RBMS3: variants seen among roughly 807,000 people sequenced by gnomAD.
RBMS3 encodes the protein RNA-binding motif, single-stranded-interacting protein 3.
In RBMS3, 27 loss-of-function variants were observed where a neutral mutation model predicts 66.8. The ratio of observed to expected loss-of-function variants is 0.40; its 90% CI spans 0.30 to 0.56. RBMS3 has a LOEUF of 0.56. Ranked by LOEUF, RBMS3 falls within the 20% of genes least tolerant of loss-of-function variation. The probability of loss-of-function intolerance (pLI) is 0.40; values close to 1 mark genes in which losing one functional copy is unlikely to be tolerated. For synonymous variants in RBMS3, 188 were observed against 183.0 expected, an observed-to-expected ratio of 1.03 and a Z score of -0.22; for missense variants, 513 against 549.5, an observed-to-expected ratio of 0.93 and a Z score of 0.66.
At chr3:29,608,133 AATAAT>A (rs2048373216) in intron 4 of RBMS3, among the ~76,000 whole-genome samples, 1 of 151,722 alleles carries the variant, frequency 6.6e-6, no homozygotes, top group Non-Finnish European at 1.5e-5. Flanking sequence ...TTATAGATAA[AATAAT>A]ATGTCTGTCT....
intron 1 of RBMS3, among the ~76,000 whole-genome samples, chr3:29,336,859 T>C (rs910354829): frequency 1.3e-5 from 2 of 152,164 alleles, no homozygotes; most frequent in East Asian, 3.9e-4. Flanking sequence ...ATGTTGATTT[T>C]TGGGGGTCAA....
At chr3:29,880,918 T>A in intron 7 of RBMS3, 1 of 1,221,052 alleles carries the variant, frequency 8.2e-7, no homozygotes, top group Non-Finnish European at 1.2e-6. Flanking sequence ...TAGTTACTCA[T>A]TCCTCTGGAT....
At chr3:29,678,385 C>G (rs1010049002) in intron 4 of RBMS3, among the ~76,000 whole-genome samples, 11 of 152,010 alleles carry the variant, frequency 7.2e-5, no homozygotes, top group Non-Finnish European at 1.3e-4. Flanking sequence ...TTACACCAAA[C>G]AGTAAAGAAA....
intron 2 of RBMS3, among the ~76,000 whole-genome samples, chr3:29,487,384 T>C (rs2043361130): frequency 6.6e-6 from 1 of 152,168 alleles, no homozygotes; most frequent in Non-Finnish European, 1.5e-5. Flanking sequence ...GAGAACATAA[T>C]GAAATCCCTA....
intron 10 of RBMS3, among the ~76,000 whole-genome samples, chr3:29,934,771 T>G (rs1273679926): frequency 6.6e-6 from 1 of 152,090 alleles, no homozygotes. Flanking sequence ...AATATTTGGC[T>G]CAATTTCTAT....
intron 4 of RBMS3, among the ~76,000 whole-genome samples, chr3:29,657,986 A>G (rs770901355): frequency 1.3e-5 from 2 of 152,060 alleles, no homozygotes; most frequent in Non-Finnish European, 2.9e-5. Flanking sequence ...ATATCCCCCA[A>G]CGATTGTCTG....
At chr3:29,285,486 C>T (rs1474151900) in intron 1 of RBMS3, among the ~76,000 whole-genome samples, 2 of 152,064 alleles carry the variant, frequency 1.3e-5, no homozygotes, top group African/African-American at 2.4e-5. Context: ...ACACCCTTAC[C>T]AGTTCACTAT....
chr3:29,425,656 T>A (rs2040931127), intron 1 of RBMS3, among the ~76,000 whole-genome samples: 1 of 151,826 alleles, frequency 6.6e-6, no homozygotes, highest in African/African-American at 2.4e-5. Flanking sequence ...AAAAAATAAA[T>A]AAAAAATAGA....
intron 6 of RBMS3, among the ~76,000 whole-genome samples, chr3:29,823,533 C>G (rs2058126267): frequency 6.6e-6 from 1 of 152,148 alleles, no homozygotes; most frequent in Non-Finnish European, 1.5e-5. Flanking sequence ...TTTAAAATAG[C>G]ATAGTGCAAT....
At chr3:29,914,394 G>A (rs1340247255) in intron 10 of RBMS3, among the ~76,000 whole-genome samples, 3 of 151,816 alleles carry the variant, frequency 2.0e-5, no homozygotes, top group Admixed American at 6.6e-5. Context: ...CACCCAAGAA[G>A]GGTAGTAATA....
chr3:29,905,432 T>A (rs1156911478), intron 10 of RBMS3, among the ~76,000 whole-genome samples: 1 of 152,080 alleles, frequency 6.6e-6, no homozygotes, highest in Admixed American at 6.6e-5. Flanking sequence ...AAAATTTCAT[T>A]TTTTTGATTT....
chr3:29,784,025 A>G (rs1303300570), intron 6 of RBMS3, among the ~76,000 whole-genome samples: 1 of 152,132 alleles, frequency 6.6e-6, no homozygotes, highest in East Asian at 1.9e-4. Context: ...TGTACCTAAC[A>G]CTAAAGCTCC....
At chr3:29,396,866 C>G (rs530134209) in intron 1 of RBMS3, among the ~76,000 whole-genome samples, 1 of 152,222 alleles carries the variant, frequency 6.6e-6, no homozygotes, top group South Asian at 2.1e-4. Flanking sequence ...TAGTAAATAC[C>G]TAACTTACAA....
intron 6 of RBMS3, among the ~76,000 whole-genome samples, chr3:29,855,089 G>A (rs927143699): frequency 6.6e-6 from 1 of 152,104 alleles, no homozygotes; most frequent in Non-Finnish European, 1.5e-5. Flanking sequence ...ACATAATGCT[G>A]CAAGTTACTC....
chr3:29,490,122 T>C (rs2043482172), intron 3 of RBMS3, among the ~76,000 whole-genome samples: 1 of 150,226 alleles, frequency 6.7e-6, no homozygotes, highest in African/African-American at 2.4e-5. Context: ...TTTTAAATGA[T>C]ATCCTGGATA....
chr3:29,983,939 G>A (rs1258544748), intron 12 of RBMS3, among the ~76,000 whole-genome samples: 1 of 152,122 alleles, frequency 6.6e-6, no homozygotes, highest in African/African-American at 2.4e-5. Context: ...TGTATTTCCT[G>A]AATTTGAATG....
intron 1 of RBMS3, among the ~76,000 whole-genome samples, chr3:29,344,930 G>C (rs2036487160): frequency 6.6e-6 from 1 of 152,140 alleles, no homozygotes; most frequent in Admixed American, 6.6e-5. Flanking sequence ...TCAAGCCCAG[G>C]ACCTACAGAT....
chr3:29,719,127 G>C (rs1448714208), intron 4 of RBMS3, among the ~76,000 whole-genome samples: 1 of 149,986 alleles, frequency 6.7e-6, no homozygotes, highest in Admixed American at 6.6e-5. Context: ...CTGGGGTGGG[G>C]CCTAAGACTC....
chr3:29,307,910 A>G (rs909361162), intron 1 of RBMS3, among the ~76,000 whole-genome samples: 1 of 151,834 alleles, frequency 6.6e-6, no homozygotes, highest in Non-Finnish European at 1.5e-5. Flanking sequence ...TCATTTTGTT[A>G]TATAAAAATT....
Sources: gnomAD v4.1 joint callset for allele counts (sites outside exome capture counted in the v4.1 genomes callset) on GRCh38, gnomAD v4.1.1 for gene constraint, MANE v1.5 for transcripts, NCBI Gene and HGNC (gene_info 2026-07-23, HGNC 2026-07-21) for gene names.